Variants in RORB observed in about 807,000 individuals in gnomAD.
The protein encoded by RORB is RAR related orphan receptor B.
Under a neutral mutation model 59.1 loss-of-function variants are expected in RORB, and 6 were observed. The observed-to-expected ratio is 0.10, with a 90% CI of 0.06 to 0.20. RORB has a LOEUF of 0.20. RORB is among the 10% of genes least tolerant of loss of function. The pLI, the probability that RORB is intolerant of heterozygous loss-of-function variation, is 1.00. For synonymous variants in RORB, 215 were observed against 204.5 expected (o/e 1.05, Z -0.44); for missense variants, 320 against 560.5 (o/e 0.57, Z 4.33).
At chr9:74,590,190 T>G (rs1822866294) in intron 1 of RORB, among the ~76,000 whole-genome samples, 1 of 152,094 alleles carries the variant, frequency 6.6e-6, no homozygotes, top group Admixed American at 6.5e-5. Context: ...GTGCTGGGAG[T>G]ACTAAGACCT....
chr9:74,511,662 A>G (rs1278349578), intron 1 of RORB, among the ~76,000 whole-genome samples: 2 of 150,922 alleles, frequency 1.3e-5, no homozygotes, highest in Admixed American at 1.3e-4. Flanking sequence ...ACTCTGGCAT[A>G]GTAATAAGGC....
chr9:74,531,583 C>T (rs1826239412), intron 1 of RORB, among the ~76,000 whole-genome samples: 1 of 151,956 alleles, frequency 6.6e-6, no homozygotes, highest in Admixed American at 6.6e-5. Flanking sequence ...TAGGTTCAGA[C>T]ATCTAAACTT....
intron 9 of RORB, among the ~76,000 whole-genome samples, chr9:74,672,452 A>T (rs1041036038): frequency 6.6e-6 from 1 of 152,118 alleles, no homozygotes; most frequent in Admixed American, 6.6e-5. Flanking sequence ...GCAAGATTAG[A>T]CTGATGACTT....
At position 74,511,784 on chromosome 9, in the gene RORB, G is replaced by A. The variant is rs1398180717; in HGVS notation, c.7+13801G>A. On this transcript the variant is annotated intron_variant, in intron 1 of 9. Coordinates refer to ENST00000376896, the MANE Select transcript of RORB (RefSeq NM_006914.4). ...TAATGGCTCATTTATAAAATTAACT[G>A]ATTTGATGTTGCACAACTGCTCTTT... Among the ~76,000 whole-genome samples the A allele has an allele frequency of 2.0e-5, 3 of 149,816 alleles. No homozygotes were observed. In the Admixed American group the frequency reaches 2.0e-4, roughly 10 times the overall value.
intron 1 of RORB, among the ~76,000 whole-genome samples, chr9:74,576,680 C>G (rs542480796): frequency 1.3e-5 from 2 of 152,020 alleles, no homozygotes; most frequent in South Asian, 4.1e-4. Context: ...TTTTTGAACC[C>G]GCCTGGGAAA....
intron 1 of RORB, among the ~76,000 whole-genome samples, chr9:74,506,372 A>G (rs1402514711): frequency 6.6e-6 from 1 of 151,910 alleles, no homozygotes; most frequent in Non-Finnish European, 1.5e-5. Flanking sequence ...AATTCTGGAG[A>G]CTCTTAGTAA....
intron 4 of RORB, among the ~76,000 whole-genome samples, chr9:74,654,336 GAGAGAGA>G (rs1824044426): frequency 1.4e-3 from 1 of 706 alleles, no homozygotes; most frequent in Non-Finnish European, 3.2e-3. Flanking sequence ...TCTCAGGGGA[GAGAGAGA>G]GAGAGAGAGA....
chr9:74,660,756 G>A lies in RORB; in HGVS notation c.759+18G>A, dbSNP rs540817328. On this transcript the variant is annotated intron_variant, in intron 5 of 9. Coordinates refer to ENST00000376896, the MANE Select transcript of RORB (RefSeq NM_006914.4). ...AAAGCAAGGTACTCTGGGAAACCATGAGAAAGTTTTTCTGTGATTACCCTA... is the reference window on the plus strand; with the variant it reads ...AAAGCAAGGTACTCTGGGAAACCATAAGAAAGTTTTTCTGTGATTACCCTA... The A allele has an allele frequency of 6.2e-7, 1 of 1,605,756 alleles. No individual in the cohort carries two copies. Among genetic ancestry groups the A allele is most frequent in the African/African-American group, 1.3e-5 (1 of 74,566 alleles).
At chr9:74,518,319 T>A (rs1402468868) in intron 1 of RORB, among the ~76,000 whole-genome samples, 1 of 151,996 alleles carries the variant, frequency 6.6e-6, no homozygotes, top group Non-Finnish European at 1.5e-5. Context: ...GCAAAGCATG[T>A]CTTTCTACCG....
intron 1 of RORB, among the ~76,000 whole-genome samples, chr9:74,571,971 A>G (rs1270609305): frequency 6.6e-6 from 1 of 152,116 alleles, no homozygotes; most frequent in Non-Finnish European, 1.5e-5. Flanking sequence ...TGGTTTCTGC[A>G]TAACATCATA....
intron 1 of RORB, chr9:74,615,746 G>A: frequency 3.2e-6 from 1 of 309,846 alleles, no homozygotes; most frequent in Non-Finnish European, 6.6e-6. Flanking sequence ...TTGATAGCTA[G>A]GTGTGGGGAC....
At chr9:74,560,715 C>A (rs959503862) in intron 1 of RORB, among the ~76,000 whole-genome samples, 6 of 151,422 alleles carry the variant, frequency 4.0e-5, no homozygotes, top group African/African-American at 1.5e-4. Flanking sequence ...TAATAATAAA[C>A]CTAAACCTAT....
Position 74,497,904 on chromosome 9 carries a change from G to A in RORB, c.-73G>A, listed in dbSNP as rs1825735878. 2 of 1,583,674 alleles carry A rather than the reference G, an allele frequency of 1.3e-6. No homozygotes were observed. Among genetic ancestry groups the A allele is most frequent in the Admixed American group, 1.8e-5 (1 of 56,594 alleles). ...CCACCTTCTTCACTCGTGCTGAGCG[G>A]GATTTTTGGGCTCTCCGGGGTTCGG... On this transcript the variant is annotated 5_prime_UTR_variant, in exon 1 of 10. Coordinates refer to ENST00000376896, the MANE Select transcript of RORB (RefSeq NM_006914.4).
chr9:74,637,097 T>C (rs1387762442), intron 3 of RORB, among the ~76,000 whole-genome samples: 2 of 152,168 alleles, frequency 1.3e-5, no homozygotes, highest in African/African-American at 2.4e-5. Flanking sequence ...CTTCTTCTGA[T>C]TCAGCAAGTA....
At chr9:74,675,768 G>A (rs1824428525) in intron 9 of RORB, among the ~76,000 whole-genome samples, 1 of 152,168 alleles carries the variant, frequency 6.6e-6, no homozygotes, top group Non-Finnish European at 1.5e-5. Context: ...CATGACTTGT[G>A]CTTTGGATGC....
chr9:74,537,406 A>C lies in RORB; in HGVS notation c.7+39423A>C, dbSNP rs189786960. On this transcript the variant is annotated intron_variant, in intron 1 of 9. Transcript: ENST00000376896. ...TTACTCACTTTTGTTTATTCAAAAGAAAGTCCCCACAGCATCTCCTGAAAC... is the reference window on the plus strand; with the variant it reads ...TTACTCACTTTTGTTTATTCAAAAGCAAGTCCCCACAGCATCTCCTGAAAC... Among the ~76,000 whole-genome samples, 6 of 152,144 alleles carry C rather than the reference A, an allele frequency of 3.9e-5. No homozygotes were observed. The East Asian group carries it at 1.2e-3, about 29-fold the overall frequency.
intron 1 of RORB, among the ~76,000 whole-genome samples, chr9:74,597,958 CA>C (rs780695509): frequency 1.6e-3 from 197 of 120,618 alleles, no homozygotes; most frequent in Middle Eastern, 8.9e-3. Flanking sequence ...AACTCTGTCT[CA>C]AAAAAAAAAA....
intron 4 of RORB, among the ~76,000 whole-genome samples, chr9:74,652,590 A>T (rs1446359504): frequency 1.3e-5 from 2 of 152,082 alleles, no homozygotes; most frequent in Non-Finnish European, 2.9e-5. Flanking sequence ...TATTATTTTT[A>T]AAAGTTAGCA....
intron 1 of RORB, among the ~76,000 whole-genome samples, chr9:74,572,906 C>T (rs777083161): frequency 1.3e-5 from 2 of 152,118 alleles, no homozygotes; most frequent in East Asian, 3.9e-4. Context: ...AATTGCATAT[C>T]GAACAACTGT....
Sources: gnomAD v4.1 joint callset for allele counts (sites outside exome capture counted in the v4.1 genomes callset) on GRCh38, gnomAD v4.1.1 for gene constraint, MANE v1.5 for transcripts, NCBI Gene and HGNC (gene_info 2026-07-23, HGNC 2026-07-21) for gene names.